The following ADAMTS18 variants were observed in gnomAD, a reference collection of about 807,000 sequenced individuals.
ADAMTS18 encodes A disintegrin and metalloproteinase with thrombospondin motifs 18.
In ADAMTS18, 157 loss-of-function variants were observed where a neutral mutation model predicts 165.9. The ratio of observed to expected loss-of-function variants is 0.95; its 90% confidence interval spans 0.83 to 1.08. The LOEUF is 1.08. Ranked by LOEUF, ADAMTS18 falls within the 50% of genes least tolerant of loss-of-function variation. The probability of loss-of-function intolerance (pLI) is 0.00; values close to 1 mark genes in which losing one functional copy is unlikely to be tolerated. For synonymous variants in ADAMTS18, 782 were observed against 578.2 expected (o/e 1.35, Z -5.06); for missense variants, 2,040 against 1,534.0 (o/e 1.33, Z -5.51).
chr16:77,326,260 C>G (rs1170912360), intron 12 of ADAMTS18, among the ~76,000 whole-genome samples: 1 of 152,116 alleles, frequency 6.6e-6, no homozygotes, highest in African/African-American at 2.4e-5. Flanking sequence ...TTTTCTAGTT[C>G]TTTTCATTAC....
intron 22 of ADAMTS18, among the ~76,000 whole-genome samples, chr16:77,287,495 T>C (rs2055276525): frequency 6.6e-6 from 1 of 152,074 alleles, no homozygotes; most frequent in Non-Finnish European, 1.5e-5. Flanking sequence ...ACTCCTCTTT[T>C]TGAGACAGGG....
Position 77,434,759 on chromosome 16 carries a change from C to A in ADAMTS18, c.-64G>T, listed in dbSNP as rs961208768. The A allele has an allele frequency of 6.2e-6, 8 of 1,300,080 alleles. No homozygotes were observed. Among genetic ancestry groups the A allele is most frequent in the South Asian group, 1.9e-5 (1 of 53,084 alleles). 80.5% of individuals were successfully genotyped at this position (1,300,080 alleles called of 1,614,324 possible). On this transcript the variant is annotated 5_prime_UTR_variant, in exon 1 of 23. Coordinates refer to ENST00000282849, the MANE Select transcript of ADAMTS18 (RefSeq NM_199355.4). The stretch of plus-strand genomic sequence containing the variant: ...CGGCAGGCGGAGCGCACGGGCGGCG[C>A]GCATTCTTTCCGCGGCCCCGGAGCT...
intron 3 of ADAMTS18, among the ~76,000 whole-genome samples, chr16:77,371,865 A>C (rs1439698569): frequency 6.6e-6 from 1 of 152,222 alleles, no homozygotes; most frequent in Non-Finnish European, 1.5e-5. Context: ...TTTGTAAACT[A>C]TGTACCCGAT....
chr16:77,389,178 G>A (rs1472869429), intron 3 of ADAMTS18, among the ~76,000 whole-genome samples: 1 of 152,138 alleles, frequency 6.6e-6, no homozygotes, highest in Non-Finnish European at 1.5e-5. Flanking sequence ...GCACATACCT[G>A]TGGTCTCAGC....
rs529832155 is a variant in ADAMTS18 at position 77,429,421 on chromosome 16, T to A, written c.495+1874A>T. Among the ~76,000 whole-genome samples the A allele has an allele frequency of 8.1e-4, 124 of 152,230 alleles. 2 individuals are homozygous for A. The highest frequency in any genetic ancestry group is 2.8e-3 in the African/African-American group (118 of 41,554). The stretch of plus-strand genomic sequence containing the variant: ...ACACAAAGAAGGGAACAATAGACAC[T>A]GAGGTCTACTTGGGGGTGGAGGGTC... On this transcript the variant is annotated intron_variant, in intron 3 of 22. Transcript: ENST00000282849.
intron 3 of ADAMTS18, among the ~76,000 whole-genome samples, chr16:77,401,697 G>T (rs772956544): frequency 5.9e-5 from 9 of 152,178 alleles, no homozygotes; most frequent in Non-Finnish European, 1.3e-4. Context: ...AGAAAGCATG[G>T]GAATCAGTAG....
rs2057347946 is a variant in ADAMTS18, at chr16:77,402,823, T to C, written c.495+28472A>G. On this transcript the variant is annotated intron_variant, in intron 3 of 22. Coordinates refer to ENST00000282849, the MANE Select transcript of ADAMTS18 (RefSeq NM_199355.4). ...TCTGCCTTTTTAAAAGGTACCTGGC[T>C]CAAGACCAAGAACTCCAGCCAAGGT... is the stretch of plus-strand genomic sequence containing the variant. 2.0e-5 allele frequency among the ~76,000 whole-genome samples: 3 copies of C among 152,164 alleles called. No individual in the cohort carries two copies. The South Asian group carries it at 6.2e-4, about 32-fold the overall frequency.
chr16:77,292,761 A>G (rs1436225761), intron 20 of ADAMTS18, among the ~76,000 whole-genome samples: 1 of 152,224 alleles, frequency 6.6e-6, no homozygotes, highest in Non-Finnish European at 1.5e-5. Context: ...TGTGCAACAC[A>G]AAGGAGTTTT....
At chr16:77,422,628 A>G (rs2057618385) in intron 3 of ADAMTS18, among the ~76,000 whole-genome samples, 1 of 151,384 alleles carries the variant, frequency 6.6e-6, no homozygotes, top group Non-Finnish European at 1.5e-5. Flanking sequence ...AAGGAGGAAG[A>G]AGGGAAGAAA....
intron 3 of ADAMTS18, among the ~76,000 whole-genome samples, chr16:77,368,905 A>G (rs531307231): frequency 2.0e-5 from 3 of 152,238 alleles, no homozygotes; most frequent in Non-Finnish European, 4.4e-5. Flanking sequence ...AATTTCATTT[A>G]CCAAGTTGAT....
intron 3 of ADAMTS18, among the ~76,000 whole-genome samples, chr16:77,419,975 G>A (rs1370183463): frequency 2.2e-5 from 3 of 133,708 alleles, no homozygotes; most frequent in African/African-American, 8.5e-5. Flanking sequence ...TCCAGCCCGG[G>A]CAACAGTGTG....
At chr16:77,310,231 G>A (rs1481871968) in intron 16 of ADAMTS18, among the ~76,000 whole-genome samples, 1 of 152,160 alleles carries the variant, frequency 6.6e-6, no homozygotes, top group East Asian at 1.9e-4. Context: ...ATTGGATGTT[G>A]TTCACTCCAT....
At chr16:77,332,341 G>A (rs922322458) in intron 12 of ADAMTS18, among the ~76,000 whole-genome samples, 15 of 152,068 alleles carry the variant, frequency 9.9e-5, no homozygotes, top group Admixed American at 8.5e-4. Context: ...ACCCTGCTTC[G>A]GTGGGCTGAC....
intron 10 of ADAMTS18, among the ~76,000 whole-genome samples, chr16:77,343,141 C>T (rs545912640): frequency 9.3e-5 from 14 of 151,016 alleles, no homozygotes; most frequent in Non-Finnish European, 1.2e-4. Flanking sequence ...GGCACCATCT[C>T]GGCTCACTGC....
Position 77,410,753 on chromosome 16 carries a change from C to G in ADAMTS18, c.495+20542G>C, listed in dbSNP as rs118158144. ...AGCATTAGAAAGGAGAAACTAATAA[C>G]ACTGGATGTCCCTTTTCAGAAATGA... On this transcript the variant is annotated intron_variant, in intron 3 of 22. Coordinates refer to ENST00000282849, the MANE Select transcript of ADAMTS18 (RefSeq NM_199355.4). Among the ~76,000 whole-genome samples, 1,371 of 152,262 alleles carry G rather than the reference C, an allele frequency of 9.0e-3. 14 individuals carry two copies. The highest frequency in any genetic ancestry group is 0.012 in the Non-Finnish European group (791 of 68,016).
chr16:77,376,684 T>C (rs1157628562), intron 3 of ADAMTS18, among the ~76,000 whole-genome samples: 1 of 152,206 alleles, frequency 6.6e-6, no homozygotes, highest in Non-Finnish European at 1.5e-5. Flanking sequence ...ATTAAATTGA[T>C]TCTGACCCAG....
chr16:77,396,973 A>T lies in ADAMTS18; in HGVS notation c.496-29250T>A, dbSNP rs182624935. 7.0e-3 allele frequency among the ~76,000 whole-genome samples: 1,063 copies of T among 151,750 alleles called. 11 individuals are homozygous for T. Among genetic ancestry groups the T allele is most frequent in the African/African-American group, 0.025 (1,021 of 41,384 alleles). Reference sequence around the variant, plus strand: ...AGGCGCCCGCCACCACGCCTGGCTAATTTTTTTGTATTTTTAGTAGAGCTA... The same window carrying T: ...AGGCGCCCGCCACCACGCCTGGCTATTTTTTTTGTATTTTTAGTAGAGCTA... On this transcript the variant is annotated intron_variant, in intron 3 of 22. Transcript: ENST00000282849.
chr16:77,355,097 T>C (rs773396662), intron 9 of ADAMTS18, among the ~76,000 whole-genome samples: 1 of 152,036 alleles, frequency 6.6e-6, no homozygotes, highest in Admixed American at 6.6e-5. Flanking sequence ...AAATAAAGTA[T>C]CAAAAGTGTC....
intron 18 of ADAMTS18, among the ~76,000 whole-genome samples, chr16:77,296,626 C>G (rs561398537): frequency 6.3e-4 from 96 of 152,164 alleles, no homozygotes; most frequent in Non-Finnish European, 1.0e-3. Context: ...TTGAGGCCAG[C>G]CTGGCCAACA....
Sources: allele counts gnomAD v4.1 joint callset (sites outside exome capture counted in the v4.1 genomes callset), GRCh38; gene constraint gnomAD v4.1.1; transcripts MANE v1.5; gene names NCBI Gene and HGNC (gene_info 2026-07-23, HGNC 2026-07-21).